SDK1: variants seen among roughly 807,000 people sequenced by gnomAD.
SDK1 encodes sidekick cell adhesion molecule 1, also known as protein sidekick-1.
In SDK1, 157 loss-of-function variants were observed where a neutral mutation model predicts 245.5. The ratio of observed to expected loss-of-function variants is 0.64; its 90% CI spans 0.56 to 0.73. The LOEUF (loss-of-function observed/expected upper bound fraction) is 0.73, where lower values mean the gene tolerates loss of function less well. SDK1 is among the 30% of genes least tolerant of loss of function. SDK1 has a pLI of 0.00. For synonymous variants in SDK1, 1,647 were observed against 1,278.5 expected, an observed-to-expected ratio of 1.29 and a Z score of -6.15; for missense variants, 3,583 against 3,002.3, an observed-to-expected ratio of 1.19 and a Z score of -4.52.
At chr7:4,252,766 T>C (rs1353104752) in intron 44 of SDK1, among the ~76,000 whole-genome samples, 1 of 152,142 alleles carries the variant, frequency 6.6e-6, no homozygotes, top group Non-Finnish European at 1.5e-5. Context: ...GGCTTTTGTG[T>C]GTGGGAAATT....
At chr7:3,656,702 C>T (rs1175713322) in intron 4 of SDK1, among the ~76,000 whole-genome samples, 1 of 149,196 alleles carries the variant, frequency 6.7e-6, no homozygotes. Flanking sequence ...CAAGCCTGGT[C>T]TTATCTGGTC....
At chr7:3,448,888 T>C (rs1280157861) in intron 1 of SDK1, among the ~76,000 whole-genome samples, 1 of 152,196 alleles carries the variant, frequency 6.6e-6, no homozygotes, top group East Asian at 1.9e-4. Context: ...CCTGTTACTC[T>C]TTATTGTTTC....
intron 5 of SDK1, among the ~76,000 whole-genome samples, chr7:3,848,603 C>T (rs1371389775): frequency 6.6e-6 from 1 of 152,026 alleles, no homozygotes; most frequent in Non-Finnish European, 1.5e-5. Flanking sequence ...CACACTTAGC[C>T]CCAGGGGAAC....
intron 15 of SDK1, among the ~76,000 whole-genome samples, 184 bp from the exon 16 acceptor site, chr7:4,011,911 T>C (rs113213985): frequency 1.3e-5 from 2 of 152,170 alleles, no homozygotes; most frequent in South Asian, 2.1e-4. Context: ...TTTTCTATTA[T>C]GTTGATTTGT....
rs28715920 is a variant in SDK1, at chr7:3,869,459, A to G, written c.847+47876A>G. On this transcript the variant is annotated intron_variant, in intron 5 of 44. Transcript: ENST00000404826. ...GTGTGAGCCACCACGCCTGGCCTGTATTTTTCATTCCTCTAAGATTTCAGT... is the reference window on the plus strand; with the variant it reads ...GTGTGAGCCACCACGCCTGGCCTGTGTTTTTCATTCCTCTAAGATTTCAGT... Among the ~76,000 whole-genome samples the G allele has an allele frequency of 8.3e-3, 1,257 of 152,004 alleles. 22 individuals carry two copies. Among genetic ancestry groups the G allele is most frequent in the African/African-American group, 0.029 (1,185 of 41,440 alleles).
intron 2 of SDK1, among the ~76,000 whole-genome samples, chr7:3,620,176 C>G (rs994403683): frequency 1.3e-5 from 2 of 152,134 alleles, no homozygotes; most frequent in Non-Finnish European, 2.9e-5. Flanking sequence ...CTCTTTACCT[C>G]TGAGGTTGTG....
chr7:3,475,329 C>G (rs530476784), intron 1 of SDK1, among the ~76,000 whole-genome samples: 81 of 152,328 alleles, frequency 5.3e-4, no homozygotes, highest in African/African-American at 1.9e-3. Flanking sequence ...CAGCCCTGCC[C>G]CTTAACTGCC....
chr7:3,584,727 C>T (rs1780624909), intron 1 of SDK1, among the ~76,000 whole-genome samples: 2 of 108,184 alleles, frequency 1.8e-5, no homozygotes, highest in Admixed American at 2.2e-4. Context: ...CATGACTTCA[C>T]GTTATTTTTT....
intron 1 of SDK1, among the ~76,000 whole-genome samples, chr7:3,465,958 C>G (rs748731085): frequency 1.3e-5 from 2 of 152,116 alleles, no homozygotes; most frequent in Non-Finnish European, 2.9e-5. Flanking sequence ...TTTTCCATCA[C>G]TCTTTTTGTT....
chr7:3,411,902 G>C (rs915546533), intron 1 of SDK1, among the ~76,000 whole-genome samples: 2 of 152,116 alleles, frequency 1.3e-5, no homozygotes, highest in African/African-American at 4.8e-5. Flanking sequence ...GTATATTGCA[G>C]GTTCTTACGG....
chr7:3,637,575 C>G (rs1343891932), intron 2 of SDK1, among the ~76,000 whole-genome samples: 1 of 152,144 alleles, frequency 6.6e-6, no homozygotes, highest in Non-Finnish European at 1.5e-5. Context: ...TCTTTACTTG[C>G]TGGTGGATTT....
intron 4 of SDK1, among the ~76,000 whole-genome samples, chr7:3,804,063 A>G (rs1392230956): frequency 1.3e-5 from 2 of 152,108 alleles, no homozygotes; most frequent in Non-Finnish European, 2.9e-5. Context: ...CCTGCCCAGC[A>G]ATATTTTCCT....
At chr7:3,664,216 C>T (rs1276249451) in intron 4 of SDK1, among the ~76,000 whole-genome samples, 1 of 152,030 alleles carries the variant, frequency 6.6e-6, no homozygotes, top group Non-Finnish European at 1.5e-5. Flanking sequence ...AAGCATGAGG[C>T]AAGTCAGAGG....
chr7:4,092,764 A>G (rs1425985980), intron 22 of SDK1, among the ~76,000 whole-genome samples: 1 of 151,880 alleles, frequency 6.6e-6, no homozygotes, highest in Non-Finnish European at 1.5e-5. Flanking sequence ...GAACAATAGA[A>G]CCCATCAGTT....
intron 1 of SDK1, among the ~76,000 whole-genome samples, chr7:3,413,839 A>G (rs866518273): frequency 6.6e-6 from 1 of 152,186 alleles, no homozygotes; most frequent in African/African-American, 2.4e-5. Context: ...AAATTAAAAT[A>G]TCAGCCAGAT....
chr7:4,126,957 C>T (rs114990351), intron 25 of SDK1, among the ~76,000 whole-genome samples: 1,626 of 152,270 alleles, frequency 0.011, 23 homozygotes, highest in African/African-American at 0.037. Flanking sequence ...CCTCCCTTCC[C>T]CTTCTTTTGT....
Position 3,389,545 on chromosome 7 carries a change from G to C in SDK1, c.298+87661G>C, listed in dbSNP as rs118064117. On this transcript the variant is annotated intron_variant, in intron 1 of 44. Coordinates refer to ENST00000404826, the MANE Select transcript of SDK1 (RefSeq NM_152744.4). ...GGACTTCTGGCCTCTAGGACTGTAA[G>C]ATAATAAAGGTATGTTATTTTAAGC... is the stretch of plus-strand genomic sequence containing the variant. 2.0e-5 allele frequency among the ~76,000 whole-genome samples: 3 copies of C among 152,284 alleles called. No homozygotes were observed. In the East Asian group the frequency reaches 5.8e-4, roughly 29 times the overall value.
intron 1 of SDK1, among the ~76,000 whole-genome samples, chr7:3,461,136 A>G (rs1051974645): frequency 6.6e-6 from 1 of 152,192 alleles, no homozygotes; most frequent in African/African-American, 2.4e-5. Context: ...TTAGGAGAGC[A>G]ATCTAGCAAT....
At chr7:4,112,345 C>T (rs188569452) in intron 23 of SDK1, among the ~76,000 whole-genome samples, 21 of 152,148 alleles carry the variant, frequency 1.4e-4, no homozygotes, top group Admixed American at 9.8e-4. Context: ...TCTCAGTGAG[C>T]AGAGGGATGA....
Sources: allele counts gnomAD v4.1 joint callset (sites outside exome capture counted in the v4.1 genomes callset), GRCh38; gene constraint gnomAD v4.1.1; transcripts MANE v1.5; gene names NCBI Gene and HGNC (gene_info 2026-07-23, HGNC 2026-07-21).